The following FBXO8 variants were observed in gnomAD, a reference collection of about 807,000 sequenced individuals.
The protein encoded by FBXO8 is F-box protein 8.
FBXO8 carries 15 observed loss-of-function variants against 33.4 expected under a neutral mutation model. That is an observed-to-expected ratio of 0.45 (90% CI 0.30 to 0.69). The LOEUF (loss-of-function observed/expected upper bound fraction) is 0.69. Ranked by LOEUF, FBXO8 falls within the 30% of genes least tolerant of loss-of-function variation. The pLI, the probability that FBXO8 is intolerant of heterozygous loss-of-function variation, is 0.08. For missense variants in FBXO8, 274 were observed against 380.3 expected (o/e 0.72, Z 2.32); for synonymous variants, 132 against 131.5 (o/e 1.00, Z -0.02).
rs1438295156 is a variant in FBXO8, at chr4:174,252,915, G to C, written c.456+6784C>G. Among the ~76,000 whole-genome samples the C allele has an allele frequency of 1.3e-5, 2 of 152,088 alleles. No individual in the cohort carries two copies. The highest frequency in any genetic ancestry group is 2.9e-5 in the Non-Finnish European group (2 of 68,006). ...GAGCCCGGGAGGTGGTGATTGCAGT[G>C]AGCCAAGACTGCACCACTGCACTCC... On this transcript the variant is annotated intron_variant, in intron 3 of 5. Coordinates refer to ENST00000393674, the MANE Select transcript of FBXO8 (RefSeq NM_012180.3). The surrounding 1 kb of genome is among the most constrained non-coding windows in gnomAD (Gnocchi z 5.1).
intron 3 of FBXO8, among the ~76,000 whole-genome samples, chr4:174,244,810 T>C (rs974147627): frequency 6.6e-6 from 1 of 151,796 alleles, no homozygotes; most frequent in Non-Finnish European, 1.5e-5. Flanking sequence ...TTAAAATAGA[T>C]ATTAGGCCTC....
At position 174,268,829 on chromosome 4, in the gene FBXO8, A is replaced by C. The variant is rs1736764180; in HGVS notation, c.-8-5729T>G. Among the ~76,000 whole-genome samples the C allele has an allele frequency of 2.0e-5, 3 of 152,224 alleles. No individual in the cohort carries two copies. In the South Asian group the frequency reaches 6.2e-4, roughly 32 times the overall value. On this transcript the variant is annotated intron_variant, in intron 1 of 5. Transcript: ENST00000393674. ...AAAAAGGACACTTGTTTATAATGACAGCTAAGATAAGAAGGCAGAGCCTTG... is the reference window on the plus strand; with the variant it reads ...AAAAAGGACACTTGTTTATAATGACCGCTAAGATAAGAAGGCAGAGCCTTG...
chr4:174,248,473 G>T (rs181440328), intron 3 of FBXO8, among the ~76,000 whole-genome samples: 30 of 152,112 alleles, frequency 2.0e-4, no homozygotes, highest in African/African-American at 7.0e-4. Flanking sequence ...AATTGGGAAA[G>T]AAATGTAAAG....
rs552652060 is a variant in FBXO8 at position 174,274,866 on chromosome 4, G to C, written c.-9+8544C>G. On this transcript the variant is annotated intron_variant, in intron 1 of 5. Coordinates refer to ENST00000393674, the MANE Select transcript of FBXO8 (RefSeq NM_012180.3). This position sits in a 1 kb window ranked among gnomAD's most constrained non-coding sequence, Gnocchi z 4.0. ...TATAAAAATTTTAGAAAAATACATA[G>C]AAGGAAATCTTTGGGGTCTAAGGCT... is the stretch of plus-strand genomic sequence containing the variant. Among the ~76,000 whole-genome samples the C allele has an allele frequency of 1.1e-3, 162 of 152,164 alleles. No individual in the cohort carries two copies. Among genetic ancestry groups the C allele is most frequent in the African/African-American group, 3.8e-3 (156 of 41,506 alleles).
chr4:174,238,864 C>T lies in FBXO8; in HGVS notation c.772+130G>A, dbSNP rs532263398. ...ATGATGAAGTAGTCAGTCACTGCTA[C>T]AAACAGTAAAACAAGTATTTGTAAT... On this transcript the variant is annotated intron_variant, in intron 5 of 5. Coordinates refer to ENST00000393674, the MANE Select transcript of FBXO8 (RefSeq NM_012180.3). 2.8e-4 allele frequency: 165 copies of T among 598,078 alleles called. 2 individuals are homozygous for T. In the South Asian group the frequency reaches 6.6e-3, roughly 24 times the overall value. 37.0% of individuals were successfully genotyped at this position (598,078 alleles called of 1,614,324 possible).
chr4:174,246,568 A>C (rs1736161521), intron 3 of FBXO8, among the ~76,000 whole-genome samples: 1 of 151,078 alleles, frequency 6.6e-6, no homozygotes. Flanking sequence ...AAAAATGGCA[A>C]AATTAAAGGG....
rs1172289836 is a variant in FBXO8 at position 174,275,716 on chromosome 4, A to G, written c.-9+7694T>C. Among the ~76,000 whole-genome samples the G allele has an allele frequency of 6.6e-6, 1 of 152,226 alleles. No homozygotes were observed. The highest frequency in any genetic ancestry group is 1.9e-4 in the East Asian group (1 of 5,198). On this transcript the variant is annotated intron_variant, in intron 1 of 5. Transcript: ENST00000393674. The surrounding 1 kb of genome is among the most constrained non-coding windows in gnomAD (Gnocchi z 4.4). ...ATGGGAAGTCTACCATCATTTCACA[A>G]ATAGTAACTATTTTAGATTTTGGGA...
chr4:174,248,275 AAT>A (rs1252127374), intron 3 of FBXO8, among the ~76,000 whole-genome samples: 1 of 152,198 alleles, frequency 6.6e-6, no homozygotes, highest in South Asian at 2.1e-4. Context: ...TAAATATAAC[AAT>A]AGTTATTCCT....
In FBXO8 at chr4:174,237,763, G is replaced by A. The variant is rs1008796746; in HGVS notation, c.773-164C>T. Among the ~76,000 whole-genome samples the A allele has an allele frequency of 2.6e-5, 4 of 151,962 alleles. No homozygotes were observed. Among genetic ancestry groups the A allele is most frequent in the Non-Finnish European group, 5.9e-5 (4 of 67,936 alleles). ...GTTTGTCTAGACTCTTCCCAGTTTTGCACTGAAAGTCCTGTCATCCTGGGA... is the reference window on the plus strand; with the variant it reads ...GTTTGTCTAGACTCTTCCCAGTTTTACACTGAAAGTCCTGTCATCCTGGGA... On this transcript the variant is annotated intron_variant, in intron 5 of 5. Coordinates refer to ENST00000393674, the MANE Select transcript of FBXO8 (RefSeq NM_012180.3). The surrounding 1 kb of genome is among the most constrained non-coding windows in gnomAD (Gnocchi z 4.4).
rs1385354094 is a variant in FBXO8, at chr4:174,253,898, G to A, written c.456+5801C>T. ...TATTATGGGGGAAGTGATATTTTGA[G>A]TTGTGGTAGCATCTTGCTATCAAGA... On this transcript the variant is annotated intron_variant, in intron 3 of 5. Coordinates refer to ENST00000393674, the MANE Select transcript of FBXO8 (RefSeq NM_012180.3). This position sits in a 1 kb window ranked among gnomAD's most constrained non-coding sequence, Gnocchi z 4.5. Among the ~76,000 whole-genome samples the A allele has an allele frequency of 6.6e-6, 1 of 152,166 alleles. No individual in the cohort carries two copies. Among genetic ancestry groups the A allele is most frequent in the African/African-American group, 2.4e-5 (1 of 41,442 alleles).
intron 1 of FBXO8, among the ~76,000 whole-genome samples, chr4:174,273,334 A>AAAG (rs745615293): frequency 1.9e-4 from 6 of 31,562 alleles, no homozygotes; most frequent in African/African-American, 8.4e-4. Context: ...AAAAAAAAAA[A>AAAG]AAAGAAAAGA....
Position 174,239,118 on chromosome 4 carries a change from T to C in FBXO8, c.648A>G (p.Glu216=), listed in dbSNP as rs757721160. The C allele has an allele frequency of 1.1e-5, 18 of 1,605,618 alleles. No homozygotes were observed. In the African/African-American group the frequency reaches 1.7e-4, roughly 16 times the overall value. Residue 216 remains glutamate (E), a synonymous_variant, in exon 5 of 6, where the codon GAA becomes GAG. Transcript: ENST00000393674. ...RNQFLPNALR[E]FFRHIHAPEE... is the part of the protein sequence containing the mutation. ...CAGGGGCATGGATATGACGAAAAAATTCTCTCAGTGCATTTGGCAAGAACT... is the reference window on the plus strand; with the variant it reads ...CAGGGGCATGGATATGACGAAAAAACTCTCTCAGTGCATTTGGCAAGAACT...
At chr4:174,249,952 T>C (rs1021793134) in intron 3 of FBXO8, among the ~76,000 whole-genome samples, 2 of 151,974 alleles carry the variant, frequency 1.3e-5, no homozygotes, top group Admixed American at 6.6e-5. Flanking sequence ...CATATAGTTA[T>C]CTACTAGAAT....
intron 4 of FBXO8, among the ~76,000 whole-genome samples, chr4:174,240,020 A>G (rs1034450910): frequency 6.6e-6 from 1 of 151,522 alleles, no homozygotes; most frequent in African/African-American, 2.4e-5. Context: ...AATACAGCTT[A>G]TTAGAACACA....
chr4:174,263,149 A>G lies in FBXO8; in HGVS notation c.-8-49T>C, dbSNP rs1011410715. On this transcript the variant is annotated intron_variant, in intron 1 of 5. Coordinates refer to ENST00000393674, the MANE Select transcript of FBXO8 (RefSeq NM_012180.3). This position sits in a 1 kb window ranked among gnomAD's most constrained non-coding sequence, Gnocchi z 4.2. The stretch of plus-strand genomic sequence containing the variant: ...AAGGGTGACATTTAAAAAGTAACCC[A>G]TTTTTCCCAGTGGTATAACAAATCT... 1.3e-6 allele frequency: 2 copies of G among 1,510,796 alleles called. No individual in the cohort carries two copies. The highest frequency in any genetic ancestry group is 3.9e-5 in the Admixed American group (2 of 51,388). The allele number at this position is 1,510,796 out of a possible 1,614,324, so 93.6% of individuals were successfully genotyped here.
intron 3 of FBXO8, among the ~76,000 whole-genome samples, chr4:174,248,331 A>G (rs1198540023): frequency 6.6e-6 from 1 of 152,074 alleles, no homozygotes. Flanking sequence ...ATCTATGCCC[A>G]GATTTTAAAA....
chr4:174,274,883 T>C lies in FBXO8; in HGVS notation c.-9+8527A>G, dbSNP rs1736924672. Among the ~76,000 whole-genome samples the C allele has an allele frequency of 6.6e-6, 1 of 152,136 alleles. No individual in the cohort carries two copies. On this transcript the variant is annotated intron_variant, in intron 1 of 5. Coordinates refer to ENST00000393674, the MANE Select transcript of FBXO8 (RefSeq NM_012180.3). The surrounding 1 kb of genome is among the most constrained non-coding windows in gnomAD (Gnocchi z 4.0). ...AATACATAGAAGGAAATCTTTGGGG[T>C]CTAAGGCTAGGCCAAGAATTCCCAG... is the stretch of plus-strand genomic sequence containing the variant.
chr4:174,241,015 T>C lies in FBXO8; in HGVS notation c.575+85A>G, dbSNP rs1736022284. The C allele has an allele frequency of 1.4e-6, 1 of 706,386 alleles. No homozygotes were observed. The highest frequency in any genetic ancestry group is 2.4e-6 in the Non-Finnish European group (1 of 423,580). 43.8% of individuals were successfully genotyped at this position (706,386 alleles called of 1,614,324 possible). A position where few individuals can be genotyped will look rare whatever the true frequency, so the allele number is the denominator to read the frequency against. On this transcript the variant is annotated intron_variant, in intron 4 of 5. Coordinates refer to ENST00000393674, the MANE Select transcript of FBXO8 (RefSeq NM_012180.3). The surrounding 1 kb of genome is among the most constrained non-coding windows in gnomAD (Gnocchi z 4.2). ...CAATTTTGCAACCAGATGATTACTA[T>C]GCAGTATTAGTTTTAAAGTAAAACT...
rs187775819 is a variant in FBXO8 at position 174,274,875 on chromosome 4, C to A, written c.-9+8535G>T. 6.6e-6 allele frequency among the ~76,000 whole-genome samples: 1 copy of A among 152,260 alleles called. No homozygotes were observed. The highest frequency in any genetic ancestry group is 1.5e-5 in the Non-Finnish European group (1 of 68,018). On this transcript the variant is annotated intron_variant, in intron 1 of 5. Transcript: ENST00000393674. The surrounding 1 kb of genome is among the most constrained non-coding windows in gnomAD (Gnocchi z 4.0). ...TTTAGAAAAATACATAGAAGGAAAT[C>A]TTTGGGGTCTAAGGCTAGGCCAAGA...
Sources: gnomAD v4.1 joint callset for allele counts (sites outside exome capture counted in the v4.1 genomes callset) on GRCh38, gnomAD v4.1.1 for gene constraint, Gnocchi (gnomAD v3.1) non-coding constraint, MANE v1.5 for transcripts, NCBI Gene and HGNC (gene_info 2026-07-23, HGNC 2026-07-21) for gene names.